The following QTMAN variants were observed in gnomAD, a reference collection of about 807,000 sequenced individuals.
The protein encoded by QTMAN is queuosine-tRNA mannosyltransferase, also known as tRNA-queuosine alpha-mannosyltransferase.
chr2:144,295,655 C>G, the QTMAN span, among the ~76,000 whole-genome samples: 32 of 152,264 alleles, frequency 2.1e-4, no homozygotes, highest in Non-Finnish European at 4.0e-4. Flanking sequence ...CTCCATCACC[C>G]AGGCTGGAGT....
the QTMAN span, among the ~76,000 whole-genome samples, chr2:144,048,845 G>A: frequency 1.3e-5 from 2 of 151,284 alleles, no homozygotes; most frequent in Non-Finnish European, 2.9e-5. Context: ...CACACACAGA[G>A]GTCTTATCTG....
At chr2:143,996,412 T>C in the QTMAN span, among the ~76,000 whole-genome samples, 8 of 152,080 alleles carry the variant, frequency 5.3e-5, no homozygotes, top group South Asian at 8.3e-4. Flanking sequence ...TCTGTGTTCC[T>C]AAGAAAAAGA....
At chr2:144,286,040 G>A in the QTMAN span, among the ~76,000 whole-genome samples, 4 of 152,076 alleles carry the variant, frequency 2.6e-5, no homozygotes, top group Admixed American at 1.3e-4. Flanking sequence ...ACAGGTCTTC[G>A]CAGCTTCTCC....
chr2:143,952,862 G>A, the QTMAN span: 2 of 1,489,304 alleles, frequency 1.3e-6, no homozygotes, highest in Non-Finnish European at 1.9e-6. Flanking sequence ...ATTTTAGAAA[G>A]AGGGTAAGAA....
chr2:144,109,570 T>C, the QTMAN span, among the ~76,000 whole-genome samples: 3 of 152,002 alleles, frequency 2.0e-5, no homozygotes, highest in East Asian at 3.9e-4. Context: ...CTAAAGAGCT[T>C]CTGCACAGCA....
chr2:144,125,714 T>C, the QTMAN span, among the ~76,000 whole-genome samples: 2 of 152,058 alleles, frequency 1.3e-5, no homozygotes, highest in African/African-American at 2.4e-5. Context: ...ATTTAGAAAA[T>C]ACCTTATTTC....
the QTMAN span, among the ~76,000 whole-genome samples, chr2:144,185,857 A>G: frequency 6.6e-6 from 1 of 152,228 alleles, no homozygotes; most frequent in Non-Finnish European, 1.5e-5. Context: ...AAAATCAATG[A>G]GCAGAAATTG....
chr2:144,122,497 CT>C, the QTMAN span, among the ~76,000 whole-genome samples: 1 of 152,074 alleles, frequency 6.6e-6, no homozygotes, highest in Non-Finnish European at 1.5e-5. Context: ...TGTTTTACAT[CT>C]TTCTTCAGGT....
At chr2:144,167,701 T>C in the QTMAN span, among the ~76,000 whole-genome samples, 6 of 151,980 alleles carry the variant, frequency 3.9e-5, no homozygotes, top group African/African-American at 1.5e-4. Context: ...TTTCCTGAGG[T>C]CTCCCTAGCA....
chr2:144,194,763 T>C, the QTMAN span, among the ~76,000 whole-genome samples: 7 of 152,198 alleles, frequency 4.6e-5, no homozygotes, highest in Non-Finnish European at 8.8e-5. Context: ...TAGATAAATG[T>C]TGATGAGTAC....
the QTMAN span, among the ~76,000 whole-genome samples, chr2:144,070,770 C>T: frequency 6.6e-6 from 1 of 152,090 alleles, no homozygotes; most frequent in South Asian, 2.1e-4. Flanking sequence ...TATACGTTTC[C>T]AGTATTATGT....
At chr2:144,053,372 T>C in the QTMAN span, among the ~76,000 whole-genome samples, 2 of 152,154 alleles carry the variant, frequency 1.3e-5, no homozygotes, top group African/African-American at 4.8e-5. Flanking sequence ...TGCAAAGGGG[T>C]AGAGGACTAG....
At chr2:144,216,662 T>C in the QTMAN span, among the ~76,000 whole-genome samples, 1 of 152,198 alleles carries the variant, frequency 6.6e-6, no homozygotes, top group Non-Finnish European at 1.5e-5. Context: ...GAAATAATAA[T>C]TTTTTCCATA....
the QTMAN span, among the ~76,000 whole-genome samples, chr2:144,013,287 C>T: frequency 1.3e-5 from 2 of 152,032 alleles, no homozygotes; most frequent in African/African-American, 4.8e-5. Context: ...GAGTAAGAAA[C>T]CTGTCCACCT....
the QTMAN span, among the ~76,000 whole-genome samples, chr2:144,220,357 C>T: frequency 6.6e-6 from 1 of 152,128 alleles, no homozygotes; most frequent in Non-Finnish European, 1.5e-5. Flanking sequence ...AGAAGGTCTA[C>T]TATTGTCCAA....
the QTMAN span, among the ~76,000 whole-genome samples, chr2:144,207,270 T>G: frequency 6.6e-6 from 1 of 152,232 alleles, no homozygotes; most frequent in Admixed American, 6.5e-5. Flanking sequence ...GTAACTGGAA[T>G]GCTCACTGCT....
At chr2:144,319,949 C>T in the QTMAN span, 1 of 152,234 alleles carries the variant, frequency 6.6e-6, no homozygotes, top group African/African-American at 2.4e-5. Context: ...AGCATCATGA[C>T]TGATAGTAAT....
At chr2:144,117,711 C>G in the QTMAN span, among the ~76,000 whole-genome samples, 1 of 152,120 alleles carries the variant, frequency 6.6e-6, no homozygotes, top group Admixed American at 6.5e-5. Flanking sequence ...TTAGTGTTTT[C>G]TGTGTAAAAT....
At chr2:144,321,020 A>G in the QTMAN span, among the ~76,000 whole-genome samples, 2 of 152,226 alleles carry the variant, frequency 1.3e-5, no homozygotes, top group African/African-American at 4.8e-5. Flanking sequence ...TTATCTATAT[A>G]GATGGATTTC....
Sources: allele counts gnomAD v4.1 joint callset (sites outside exome capture counted in the v4.1 genomes callset), GRCh38; gene constraint gnomAD v4.1.1; transcripts MANE v1.5; gene names NCBI Gene and HGNC (gene_info 2026-07-23, HGNC 2026-07-21).